HDAC4: variants seen among roughly 807,000 people sequenced by gnomAD.
HDAC4 encodes the protein histone deacetylase 4, also known as histone deacetylase A.
A neutral mutation model predicts 135.1 loss-of-function variants in HDAC4; 16 were observed. The observed-to-expected ratio is 0.12, with a 90% CI of 0.08 to 0.18. The LOEUF (loss-of-function observed/expected upper bound fraction) is 0.18, where lower values mean the gene tolerates loss of function less well. HDAC4 is among the 10% of genes least tolerant of loss of function. The probability of loss-of-function intolerance (pLI) is 1.00; values close to 1 mark genes in which losing one functional copy is unlikely to be tolerated. For missense variants in HDAC4, 1,143 were observed against 1,511.8 expected (o/e 0.76, Z 4.05); for synonymous variants, 685 against 653.4 (o/e 1.05, Z -0.74).
At chr2:239,324,779 G>A (rs998333689) in intron 2 of HDAC4, among the ~76,000 whole-genome samples, 7 of 152,222 alleles carry the variant, frequency 4.6e-5, no homozygotes, top group Non-Finnish European at 1.0e-4. Flanking sequence ...AGGGGGCGTG[G>A]GCGAGGTGCT....
At chr2:239,383,026 ACTTT>A (rs1274254943) in intron 1 of HDAC4, among the ~76,000 whole-genome samples, 1 of 152,168 alleles carries the variant, frequency 6.6e-6, no homozygotes, top group Non-Finnish European at 1.5e-5. Flanking sequence ...AACAGCTTAC[ACTTT>A]CTAACAACTC....
chr2:239,070,859 A>G (rs1189749656), intron 22 of HDAC4, among the ~76,000 whole-genome samples: 3 of 152,130 alleles, frequency 2.0e-5, no homozygotes, highest in African/African-American at 7.2e-5. Context: ...TGGTGACCGC[A>G]GCCATTTAGT....
At position 239,141,481 on chromosome 2, in the gene HDAC4, C is replaced by T. The variant is rs181442645; in HGVS notation, c.866-1685G>A. Among the ~76,000 whole-genome samples the T allele has an allele frequency of 1.6e-4, 25 of 152,336 alleles. No homozygotes were observed. Among genetic ancestry groups the T allele is most frequent in the Admixed American group, 1.6e-3 (24 of 15,312 alleles). On this transcript the variant is annotated intron_variant, in intron 8 of 26. Transcript: ENST00000543185. This position sits in a 1 kb window ranked among gnomAD's most constrained non-coding sequence, Gnocchi z 4.9. Reference sequence around the variant, plus strand: ...AGACACTAACTCCAGAGGTAGGCTTCTCCCGCTGCCGAGGCCATGTTATTT... The same window carrying T: ...AGACACTAACTCCAGAGGTAGGCTTTTCCCGCTGCCGAGGCCATGTTATTT...
chr2:239,226,352 C>T (rs1303460565), intron 3 of HDAC4, among the ~76,000 whole-genome samples: 1 of 152,126 alleles, frequency 6.6e-6, no homozygotes, highest in East Asian at 1.9e-4. Context: ...CTGAGAGATA[C>T]TCAGTGAGAT....
intron 6 of HDAC4, chr2:239,162,423 C>T (rs1575245394): frequency 4.5e-6 from 2 of 441,788 alleles, no homozygotes; most frequent in East Asian, 7.1e-5. Context: ...CTGTCCCTTG[C>T]TCCTTCTGCC....
chr2:239,332,096 A>G (rs1454653244), intron 2 of HDAC4, among the ~76,000 whole-genome samples: 3 of 152,212 alleles, frequency 2.0e-5, no homozygotes, highest in Admixed American at 6.5e-5. Flanking sequence ...GCTTCAAAAT[A>G]AACAAAGGCT....
intron 4 of HDAC4, among the ~76,000 whole-genome samples, chr2:239,184,601 T>C (rs1422041600): frequency 5.2e-5 from 7 of 134,952 alleles, no homozygotes; most frequent in Admixed American, 4.5e-4. Context: ...GGTCCCTCAG[T>C]GTCTGTCCTG....
chr2:239,373,324 T>C (rs1253755077), intron 1 of HDAC4, among the ~76,000 whole-genome samples: 1 of 152,134 alleles, frequency 6.6e-6, no homozygotes, highest in East Asian at 1.9e-4. Context: ...TTTCTGGGCA[T>C]CTCCCTGGGG....
At chr2:239,176,127 C>T (rs1466900916) in intron 5 of HDAC4, among the ~76,000 whole-genome samples, 1 of 152,168 alleles carries the variant, frequency 6.6e-6, no homozygotes, top group African/African-American at 2.4e-5. Flanking sequence ...CCCTCCTGCA[C>T]TCACTCCTTC....
At chr2:239,282,914 C>CACAATGTACACACCACTCTGCAA (rs1205360545) in intron 2 of HDAC4, among the ~76,000 whole-genome samples, 2 of 148,408 alleles carry the variant, frequency 1.3e-5, no homozygotes, top group East Asian at 4.0e-4. Context: ...CCACTCTACA[C>CACAATGTACACACCACTCTGCAA]ACAATGTACA....
chr2:239,373,067 G>C (rs766827457), intron 1 of HDAC4, among the ~76,000 whole-genome samples: 38 of 152,206 alleles, frequency 2.5e-4, no homozygotes, highest in Non-Finnish European at 4.6e-4. Context: ...CGGGTGCAAA[G>C]AGCCTCACGT....
intron 2 of HDAC4, among the ~76,000 whole-genome samples, chr2:239,317,081 G>A (rs1223229934): frequency 1.3e-5 from 2 of 152,174 alleles, no homozygotes; most frequent in Non-Finnish European, 2.9e-5. Flanking sequence ...TGGACCATAC[G>A]CCTTCAGCGA....
At chr2:239,295,638 G>A (rs1224297802) in intron 2 of HDAC4, among the ~76,000 whole-genome samples, 2 of 152,188 alleles carry the variant, frequency 1.3e-5, no homozygotes, top group African/African-American at 4.8e-5. Flanking sequence ...GTAATTTGCT[G>A]TTTCCTTTCA....
At chr2:239,117,513 G>C (rs143893710) in intron 12 of HDAC4, among the ~76,000 whole-genome samples, 2 of 148,864 alleles carry the variant, frequency 1.3e-5, no homozygotes, top group African/African-American at 5.0e-5. Flanking sequence ...AATGTGAGCA[G>C]AGCAAAGGCT....
At position 239,141,514 on chromosome 2, in the gene HDAC4, G is replaced by A. The variant is rs1412399143; in HGVS notation, c.866-1718C>T. On this transcript the variant is annotated intron_variant, in intron 8 of 26. Coordinates refer to ENST00000543185, the MANE Select transcript of HDAC4 (RefSeq NM_001378414.1). The surrounding 1 kb of genome is among the most constrained non-coding windows in gnomAD (Gnocchi z 4.9). The stretch of plus-strand genomic sequence containing the variant: ...GCCGAGGCCATGTTATTTGCACTGT[G>A]AGTGGGCATTCTGAGAATGCCACCT... Among the ~76,000 whole-genome samples the A allele has an allele frequency of 6.6e-6, 1 of 152,250 alleles. No individual in the cohort carries two copies. The highest frequency in any genetic ancestry group is 1.9e-4 in the East Asian group (1 of 5,172).
At chr2:239,360,886 A>T (rs1212649124) in intron 1 of HDAC4, among the ~76,000 whole-genome samples, 1 of 152,158 alleles carries the variant, frequency 6.6e-6, no homozygotes, top group African/African-American at 2.4e-5. Context: ...TGCTGTAGGA[A>T]AAAGGCTCTG....
intron 1 of HDAC4, among the ~76,000 whole-genome samples, chr2:239,396,561 A>G (rs930408790): frequency 2.0e-5 from 3 of 152,306 alleles, no homozygotes; most frequent in African/African-American, 7.2e-5. Context: ...TTCAATGTTC[A>G]TACGTTCTGC....
intron 22 of HDAC4, among the ~76,000 whole-genome samples, chr2:239,080,050 A>G (rs1015133388): frequency 6.6e-6 from 1 of 151,354 alleles, no homozygotes; most frequent in African/African-American, 2.4e-5. Context: ...ATGAACACCC[A>G]CCCACACAGA....
At chr2:239,396,032 A>T (rs1297525188) in intron 1 of HDAC4, among the ~76,000 whole-genome samples, 2 of 152,208 alleles carry the variant, frequency 1.3e-5, no homozygotes, top group Non-Finnish European at 2.9e-5. Flanking sequence ...GCTGAAGTGC[A>T]GTGGCAAAAT....
Sources: gnomAD v4.1 joint callset for allele counts (sites outside exome capture counted in the v4.1 genomes callset) on GRCh38, gnomAD v4.1.1 for gene constraint, Gnocchi (gnomAD v3.1) non-coding constraint, MANE v1.5 for transcripts, NCBI Gene and HGNC (gene_info 2026-07-23, HGNC 2026-07-21) for gene names.